The following CDH13 variants were observed in gnomAD, a reference collection of about 807,000 sequenced individuals.
CDH13 encodes the protein cadherin-13.
Under a neutral mutation model 63.8 loss-of-function variants are expected in CDH13, and 24 were observed. The ratio of observed to expected loss-of-function variants is 0.38; its 90% CI spans 0.27 to 0.53. CDH13 has a LOEUF of 0.53. Ranked by LOEUF, CDH13 falls within the 20% of genes least tolerant of loss-of-function variation. CDH13 has a pLI of 0.85. For missense variants in CDH13, 1,049 were observed against 903.1 expected (o/e 1.16, Z -2.07); for synonymous variants, 503 against 355.3 (o/e 1.42, Z -4.67).
intron 7 of CDH13, among the ~76,000 whole-genome samples, chr16:83,558,581 G>A (rs2075645454): frequency 1.3e-5 from 2 of 152,132 alleles, no homozygotes. Flanking sequence ...TCTACATCTA[G>A]TCAGAGATGC....
intron 3 of CDH13, among the ~76,000 whole-genome samples, chr16:83,119,231 G>A (rs912654665): frequency 2.0e-5 from 3 of 152,122 alleles, no homozygotes; most frequent in Non-Finnish European, 4.4e-5. Context: ...GGCCTTTGCT[G>A]AAACTCATCA....
At chr16:82,794,810 T>C (rs1298621515) in intron 1 of CDH13, among the ~76,000 whole-genome samples, 1 of 152,192 alleles carries the variant, frequency 6.6e-6, no homozygotes, top group African/African-American at 2.4e-5. Flanking sequence ...TTTTCCTACT[T>C]TGGTTCCTTG....
intron 3 of CDH13, among the ~76,000 whole-genome samples, chr16:83,071,832 A>T (rs570751145): frequency 6.6e-6 from 1 of 152,314 alleles, no homozygotes; most frequent in South Asian, 2.1e-4. Context: ...AATAGTTTAT[A>T]AGTATGTGAG....
intron 1 of CDH13, among the ~76,000 whole-genome samples, chr16:82,638,204 A>C (rs1436584007): frequency 6.6e-6 from 1 of 152,170 alleles, no homozygotes; most frequent in Non-Finnish European, 1.5e-5. Flanking sequence ...GGTGAACACG[A>C]CAGTCCAGGC....
intron 4 of CDH13, among the ~76,000 whole-genome samples, chr16:83,197,065 A>G (rs2038897891): frequency 1.3e-5 from 2 of 152,236 alleles, no homozygotes; most frequent in South Asian, 2.1e-4. Flanking sequence ...GAATGGTTAA[A>G]CAAACTGTGG....
chr16:83,630,266 G>C (rs1910660057), intron 8 of CDH13, among the ~76,000 whole-genome samples: 1 of 152,184 alleles, frequency 6.6e-6, no homozygotes, highest in Non-Finnish European at 1.5e-5. Flanking sequence ...GCAACATTTT[G>C]ATGCTATGAA....
At chr16:82,640,869 G>A (rs1909312886) in intron 1 of CDH13, among the ~76,000 whole-genome samples, 1 of 152,140 alleles carries the variant, frequency 6.6e-6, no homozygotes, top group South Asian at 2.1e-4. Flanking sequence ...TATTTATCTG[G>A]ACTACAATTT....
At chr16:83,006,807 C>A (rs11864556) in intron 2 of CDH13, among the ~76,000 whole-genome samples, 1 of 152,122 alleles carries the variant, frequency 6.6e-6, no homozygotes, top group East Asian at 1.9e-4. Flanking sequence ...AATAGAATAA[C>A]GCCATTTGTT....
chr16:82,779,990 C>T (rs2035676206), intron 1 of CDH13, among the ~76,000 whole-genome samples: 1 of 152,200 alleles, frequency 6.6e-6, no homozygotes, highest in African/African-American at 2.4e-5. Flanking sequence ...GATGCAGTCT[C>T]TGCCCTTTTG....
At chr16:83,655,387 T>C (rs1912779942) in intron 8 of CDH13, 1 of 152,276 alleles carries the variant, frequency 6.6e-6, no homozygotes, top group African/African-American at 2.4e-5. Flanking sequence ...AAGTTGCTTG[T>C]GTCAGGGCAC....
intron 3 of CDH13, among the ~76,000 whole-genome samples, chr16:83,080,075 C>A (rs78073217): frequency 0.015 from 2,308 of 152,252 alleles, 46 homozygotes; most frequent in African/African-American, 0.053. Flanking sequence ...TTATTAGGAT[C>A]CCGACAGCAA....
chr16:82,973,819 A>G (rs761551958), intron 2 of CDH13, among the ~76,000 whole-genome samples: 1 of 152,248 alleles, frequency 6.6e-6, no homozygotes, highest in Non-Finnish European at 1.5e-5. Context: ...GTAGTCATAC[A>G]AAATGCATGT....
chr16:83,343,518 G>A (rs557606607), intron 5 of CDH13, among the ~76,000 whole-genome samples: 10 of 152,254 alleles, frequency 6.6e-5, no homozygotes, highest in South Asian at 6.2e-4. Flanking sequence ...TGAGTCTTTC[G>A]TGGTTTCTGT....
chr16:83,007,615 A>G (rs1295081147), intron 2 of CDH13, among the ~76,000 whole-genome samples: 1 of 152,084 alleles, frequency 6.6e-6, no homozygotes, highest in African/African-American at 2.4e-5. Context: ...GGATTGCTTG[A>G]GTCCAGGAGT....
At chr16:82,879,539 A>G (rs904437711) in intron 2 of CDH13, among the ~76,000 whole-genome samples, 1 of 143,288 alleles carries the variant, frequency 7.0e-6, no homozygotes, top group Non-Finnish European at 1.5e-5. Context: ...TTTAATATAT[A>G]CTATATAATA....
In CDH13 at chr16:83,051,311, A is replaced by G. The variant is rs2030311079; in HGVS notation, c.366+19093A>G. Among the ~76,000 whole-genome samples the G allele has an allele frequency of 3.3e-5, 5 of 152,264 alleles. 1 individual carries two copies. The South Asian group carries it at 1.0e-3, about 32-fold the overall frequency. On this transcript the variant is annotated intron_variant, in intron 3 of 13. Transcript: ENST00000567109. ...CACTGAAAATGGTATGTTTCCTTCC[A>G]CATCTATCTCTAAGGGATGGCATAA...
chr16:82,916,050 G>A (rs932872292), intron 2 of CDH13, among the ~76,000 whole-genome samples: 8 of 152,094 alleles, frequency 5.3e-5, no homozygotes, highest in African/African-American at 1.9e-4. Flanking sequence ...AATATCAGAT[G>A]TTTCCATAAA....
At chr16:83,634,882 T>C (rs1354229503) in intron 8 of CDH13, among the ~76,000 whole-genome samples, 1 of 152,216 alleles carries the variant, frequency 6.6e-6, no homozygotes. Context: ...CTACTGCAGT[T>C]AGAGCCACCC....
intron 6 of CDH13, among the ~76,000 whole-genome samples, chr16:83,483,336 C>A (rs773991534): frequency 3.3e-5 from 5 of 152,118 alleles, no homozygotes; most frequent in Admixed American, 6.5e-5. Flanking sequence ...AAAATAAAAA[C>A]CATTTTCTGT....
Sources: gnomAD v4.1 joint callset for allele counts (sites outside exome capture counted in the v4.1 genomes callset) on GRCh38, gnomAD v4.1.1 for gene constraint, MANE v1.5 for transcripts, NCBI Gene and HGNC (gene_info 2026-07-23, HGNC 2026-07-21) for gene names.